ACACB: variants seen among roughly 807,000 people sequenced by gnomAD.
ACACB encodes acetyl-CoA carboxylase beta, also known as acetyl-CoA carboxylase 2.
A neutral mutation model predicts 278.8 loss-of-function variants in ACACB; 209 were observed. The observed-to-expected ratio is 0.75, with a 90% CI of 0.67 to 0.84. The LOEUF (loss-of-function observed/expected upper bound fraction) is 0.84, where lower values mean the gene tolerates loss of function less well. ACACB is among the 40% of genes least tolerant of loss of function. The pLI is 0.00. For missense variants in ACACB, 2,850 were observed against 3,269.0 expected (o/e 0.87, Z 3.13); for synonymous variants, 1,174 against 1,285.6 (o/e 0.91, Z 1.86).
At chr12:109,265,654 C>T in intron 52 of ACACB, 129 bp downstream of exon 52, 1 of 1,146,950 alleles carries the variant, frequency 8.7e-7, no homozygotes, top group Non-Finnish European at 1.2e-6. Flanking sequence ...TGTCCCCGCC[C>T]CCTCCCCGCT....
Position 109,169,502 on chromosome 12 carries a change from A to G in ACACB, c.925+1468A>G, listed in dbSNP as rs564095711. Among the ~76,000 whole-genome samples, 321 of 152,242 alleles carry G rather than the reference A, an allele frequency of 2.1e-3. 2 individuals are homozygous for G. Among genetic ancestry groups the G allele is most frequent in the Non-Finnish European group, 3.7e-3 (254 of 68,022 alleles). ...AAATTCAAAATTGTCACCCAGGCCTATTAAGTCCCCTCCTGGCTCCATCTT... is the reference window on the plus strand; with the variant it reads ...AAATTCAAAATTGTCACCCAGGCCTGTTAAGTCCCCTCCTGGCTCCATCTT... On this transcript the variant is annotated intron_variant, in intron 4 of 52. Transcript: ENST00000338432.
chr12:109,172,163 CCTCCTGCCTT>C, intron 5 of ACACB, 102 bp from the exon 6 acceptor site: 1 of 1,011,004 alleles, frequency 9.9e-7, no homozygotes, highest in Non-Finnish European at 1.5e-6. Flanking sequence ...CTCAAGTGAT[CCTCCTGCCTT>C]GGCCTCCCAA....
At chr12:109,243,877 T>TTG (rs1356876714) in intron 37 of ACACB, among the ~76,000 whole-genome samples, 5 of 146,910 alleles carry the variant, frequency 3.4e-5, no homozygotes, top group Non-Finnish European at 7.5e-5. Context: ...TGGAATGACA[T>TTG]TATATATATA....
In ACACB at chr12:109,235,387, C is replaced by G; in HGVS notation, c.4404+18C>G. 6.2e-7 allele frequency: 1 copy of G among 1,607,952 alleles called. No individual in the cohort carries two copies. The highest frequency in any genetic ancestry group is 8.5e-7 in the Non-Finnish European group (1 of 1,174,386). On this transcript the variant is annotated intron_variant, in intron 32 of 52. Coordinates refer to ENST00000338432, the MANE Select transcript of ACACB (RefSeq NM_001093.4). ...CCCAAGAGGTTAGTTCACAGTTCAT[C>G]TCTATGAGTCTTTCCCATTCTCCAA... is the stretch of plus-strand genomic sequence containing the variant.
intron 11 of ACACB, among the ~76,000 whole-genome samples, chr12:109,182,856 A>G (rs2044526039): frequency 6.6e-6 from 1 of 152,070 alleles, no homozygotes; most frequent in South Asian, 2.1e-4. Flanking sequence ...TTGGGGTATT[A>G]CTCAATAAAT....
intron 1 of ACACB, among the ~76,000 whole-genome samples, chr12:109,133,853 A>ATC (rs2042895107): frequency 2.1e-5 from 1 of 48,226 alleles, no homozygotes; most frequent in Non-Finnish European, 3.8e-5. Flanking sequence ...ATATATATAT[A>ATC]TATATATATA....
chr12:109,139,625 G>A lies in ACACB; in HGVS notation c.220G>A (p.Ala74Thr), dbSNP rs1342223412. The A allele has an allele frequency of 1.2e-6, 2 of 1,614,012 alleles. No homozygotes were observed. The highest frequency in any genetic ancestry group is 1.7e-5 in the Admixed American group (1 of 60,006). ...GHTLPKTPSQ[A>T]EPASHKGPKD... ...CACTCTGCCCAAGACACCCAGCCAG[G>A]CCGAGCCAGCCTCCCACAAAGGCCC... The change falls in exon 2 of 53, where the codon GCC (alanine) becomes ACC (threonine). Residue 74 changes from alanine (A) to threonine (T), a missense_variant. Around this residue, in one of 3 missense-constraint regions of ACACB, gnomAD observed 2,265 missense variants for 2,561.3 expected, o/e 0.88. Coordinates refer to ENST00000338432, the MANE Select transcript of ACACB (RefSeq NM_001093.4).
intron 2 of ACACB, among the ~76,000 whole-genome samples, chr12:109,142,692 A>G (rs1401657826): frequency 6.6e-6 from 1 of 151,872 alleles, no homozygotes; most frequent in African/African-American, 2.4e-5. Flanking sequence ...TCAGCCTCCC[A>G]AGTAGCTGGA....
At chr12:109,128,328 T>C (rs973091622) in intron 1 of ACACB, among the ~76,000 whole-genome samples, 2 of 151,642 alleles carry the variant, frequency 1.3e-5, no homozygotes, top group African/African-American at 4.9e-5. Flanking sequence ...TTTTTGGACT[T>C]TTTTTATTTT....
chr12:109,212,963 G>A (rs2045892396), intron 22 of ACACB, 27 bp downstream of exon 22: 2 of 1,598,816 alleles, frequency 1.3e-6, no homozygotes, highest in Non-Finnish European at 1.7e-6. Context: ...CCCGTAGGAT[G>A]TGGTTGTCAC....
chr12:109,212,791 C>T (rs2045887461), intron 21 of ACACB, 45 bp from the exon 22 acceptor site: 1 of 1,513,522 alleles, frequency 6.6e-7, no homozygotes, highest in African/African-American at 1.4e-5. Flanking sequence ...TGCTGTGTGT[C>T]ATCTGAATCA....
At chr12:109,167,621 GTA>G (rs1216217057) in intron 3 of ACACB, among the ~76,000 whole-genome samples, 2,497 of 77,380 alleles carry the variant, frequency 0.032, 114 homozygotes, top group Admixed American at 0.11. Flanking sequence ...ATATGTATGT[GTA>G]TATATATATA....
intron 21 of ACACB, among the ~76,000 whole-genome samples, chr12:109,210,543 G>A (rs1037838420): frequency 1.2e-4 from 17 of 147,158 alleles, no homozygotes; most frequent in African/African-American, 4.0e-4. Flanking sequence ...ATATATACGT[G>A]CATGTATATA....
At chr12:109,230,900 C>T (rs2046449152) in intron 28 of ACACB, among the ~76,000 whole-genome samples, 2 of 152,210 alleles carry the variant, frequency 1.3e-5, no homozygotes, top group South Asian at 4.1e-4. Flanking sequence ...CATTGAGGAC[C>T]CTGGGGGATT....
intron 1 of ACACB, among the ~76,000 whole-genome samples, chr12:109,117,832 C>T (rs986064265): frequency 4.6e-5 from 7 of 152,140 alleles, no homozygotes; most frequent in African/African-American, 1.2e-4. Flanking sequence ...CTGCAAGCTC[C>T]GCCTCCTGGG....
upstream of ACACB, among the ~76,000 whole-genome samples, chr12:109,113,845 T>C (rs925396367): frequency 3.0e-4 from 45 of 152,376 alleles, no homozygotes; most frequent in African/African-American, 1.0e-3. Context: ...ACATGCTGAC[T>C]TGTGCTGACT....
chr12:109,131,055 G>A (rs539542033), intron 1 of ACACB, among the ~76,000 whole-genome samples: 62 of 152,324 alleles, frequency 4.1e-4, no homozygotes, highest in African/African-American at 1.5e-3. Context: ...GCAATTGCAT[G>A]AGCAGTGAAG....
chr12:109,209,953 GTA>G lies in ACACB; in HGVS notation c.3249+606_3249+607del, dbSNP rs1201183711. Among the ~76,000 whole-genome samples, 22 of 81,518 alleles carry G rather than the reference GTA, an allele frequency of 2.7e-4. 2 individuals are homozygous for G. The East Asian group carries it at 6.0e-3, about 22-fold the overall frequency. The allele number at this position is 81,518 out of a possible 152,430, so 53.5% of individuals were successfully genotyped here. On this transcript the variant is annotated intron_variant, in intron 21 of 52. Coordinates refer to ENST00000338432, the MANE Select transcript of ACACB (RefSeq NM_001093.4). ...TATACACACATACACACACGTGTGT[GTA>G]TATATGTGTATACACACATACACAC...
At chr12:109,152,775 G>A (rs2043414081) in intron 2 of ACACB, among the ~76,000 whole-genome samples, 1 of 149,968 alleles carries the variant, frequency 6.7e-6, no homozygotes, top group South Asian at 2.1e-4. Context: ...CTCCTGAGTA[G>A]CTGGAATTAC....
Sources: allele counts gnomAD v4.1 joint callset (sites outside exome capture counted in the v4.1 genomes callset), GRCh38; gene constraint gnomAD v4.1.1; regional missense constraint gnomAD v4.1.1; transcripts MANE v1.5; gene names NCBI Gene and HGNC (gene_info 2026-07-23, HGNC 2026-07-21).